The following PTPRM variants were observed in gnomAD, a reference collection of about 807,000 sequenced individuals.
PTPRM encodes protein tyrosine phosphatase receptor type M.
A neutral mutation model predicts 186.7 loss-of-function variants in PTPRM; 47 were observed. The observed-to-expected ratio is 0.25, with a 90% CI of 0.20 to 0.32. PTPRM has a LOEUF of 0.32. Among genes scored for constraint, PTPRM ranks in the 10% least tolerant of loss-of-function variants. PTPRM has a pLI of 1.00. For synonymous variants in PTPRM, 668 were observed against 674.9 expected (o/e 0.99, Z 0.16); for missense variants, 1,494 against 1,865.0 (o/e 0.80, Z 3.66).
intron 20 of PTPRM, among the ~76,000 whole-genome samples, chr18:8,313,396 G>A (rs966442137): frequency 2.0e-5 from 3 of 151,762 alleles, no homozygotes; most frequent in Admixed American, 2.0e-4. Flanking sequence ...AGTTATTTAG[G>A]TAAATACTTT....
At chr18:8,184,574 C>T (rs2093618458) in intron 14 of PTPRM, among the ~76,000 whole-genome samples, 1 of 152,172 alleles carries the variant, frequency 6.6e-6, no homozygotes, top group African/African-American at 2.4e-5. Flanking sequence ...ATGCTAAGAA[C>T]AAGTGACGAA....
At chr18:7,758,819 C>T (rs1319837306) in intron 1 of PTPRM, among the ~76,000 whole-genome samples, 1 of 152,148 alleles carries the variant, frequency 6.6e-6, no homozygotes, top group African/African-American at 2.4e-5. Context: ...GGTTTTTACT[C>T]ACTCCCAACC....
intron 19 of PTPRM, among the ~76,000 whole-genome samples, chr18:8,266,874 C>T (rs573562660): frequency 6.6e-6 from 1 of 152,222 alleles, no homozygotes; most frequent in East Asian, 1.9e-4. Context: ...TACCACTGCA[C>T]TCCAGCCTGG....
chr18:7,886,693 A>G (rs1285873970), intron 2 of PTPRM, among the ~76,000 whole-genome samples: 1 of 152,170 alleles, frequency 6.6e-6, no homozygotes, highest in Non-Finnish European at 1.5e-5. Flanking sequence ...AACCTAGATA[A>G]GCTGCTTCTA....
intron 19 of PTPRM, among the ~76,000 whole-genome samples, chr18:8,289,500 ATATG>A (rs1447970343): frequency 7.6e-6 from 1 of 131,012 alleles, no homozygotes; most frequent in African/African-American, 2.9e-5. Flanking sequence ...ATATATGTAT[ATATG>A]TGTGTGTATG....
rs1212848544 is a variant in PTPRM at position 7,888,086 on chromosome 18, C to G, written c.197-20C>G. ...AAGTAGTGTTTCAGGGTATGACTCT[C>G]CTTGATTTTGTTTTTGCAGGTTCTT... On this transcript the variant is annotated intron_variant, in intron 2 of 32. Coordinates refer to ENST00000580170, the MANE Select transcript of PTPRM (RefSeq NM_001105244.2). 2 of 1,614,042 alleles carry G rather than the reference C, an allele frequency of 1.2e-6. No homozygotes were observed. Among genetic ancestry groups the G allele is most frequent in the Non-Finnish European group, 1.7e-6 (2 of 1,179,946 alleles).
intron 2 of PTPRM, among the ~76,000 whole-genome samples, chr18:7,879,894 C>T (rs758202833): frequency 5.3e-5 from 8 of 152,108 alleles, no homozygotes; most frequent in African/African-American, 7.2e-5. Flanking sequence ...ACCTGAGGCT[C>T]GGTATTTAAA....
chr18:8,365,568 A>G (rs73939445), intron 23 of PTPRM, among the ~76,000 whole-genome samples: 2,119 of 152,332 alleles, frequency 0.014, 50 homozygotes, highest in African/African-American at 0.049. Flanking sequence ...AAAACCACCT[A>G]TTGTGTTGGG....
intron 3 of PTPRM, among the ~76,000 whole-genome samples, chr18:7,893,193 C>T (rs192113683): frequency 6.6e-6 from 1 of 151,692 alleles, no homozygotes. Flanking sequence ...TTTGCATAAA[C>T]AATAATAATG....
chr18:8,240,639 GAGAGAGAGAGAGAGAAAGAAAGAAAGAA>G (rs1568583617), intron 14 of PTPRM, among the ~76,000 whole-genome samples: 5 of 70,716 alleles, frequency 7.1e-5, no homozygotes, highest in African/African-American at 1.6e-4. Flanking sequence ...GAGAGAGAGA[GAGAGAGAGAGAGAGAAAGAAAGAAAGAA>G]AGAAAGAAAG....
At chr18:7,761,944 C>T (rs561149612) in intron 1 of PTPRM, among the ~76,000 whole-genome samples, 1 of 152,296 alleles carries the variant, frequency 6.6e-6, no homozygotes, top group African/African-American at 2.4e-5. Flanking sequence ...TTCTTCAGCG[C>T]TCCTTTCTAA....
Position 7,906,695 on chromosome 18 carries a change from C to G in PTPRM, c.547+112C>G, listed in dbSNP as rs2050003469. On this transcript the variant is annotated intron_variant, in intron 4 of 32. Transcript: ENST00000580170. ...AAGAGGTCATCTTGCCAAGACAGTT[C>G]CCTGACAGGCCTGTATTGTTGGTTT... The G allele has an allele frequency of 1.2e-5, 10 of 823,684 alleles. No homozygotes were observed. The South Asian group carries it at 1.2e-4, about 10-fold the overall frequency. 51.0% of individuals were successfully genotyped at this position (823,684 alleles called of 1,614,324 possible).
intron 29 of PTPRM, 134 bp from the exon 30 acceptor site, chr18:8,384,427 T>C: frequency 9.9e-7 from 1 of 1,015,190 alleles, no homozygotes; most frequent in South Asian, 1.6e-5. Context: ...CACTGCACTC[T>C]AGCTGGGGAG....
chr18:8,347,284 G>A (rs1466445973), intron 23 of PTPRM, among the ~76,000 whole-genome samples: 4 of 152,164 alleles, frequency 2.6e-5, no homozygotes, highest in Admixed American at 1.3e-4. Context: ...TAAAAATAAA[G>A]GCACATGTAT....
intron 1 of PTPRM, among the ~76,000 whole-genome samples, chr18:7,611,198 A>G (rs1300596316): frequency 6.6e-6 from 1 of 152,242 alleles, no homozygotes; most frequent in Non-Finnish European, 1.5e-5. Context: ...AGTTAAAAAA[A>G]ATTAAAAGTT....
chr18:8,013,113 G>A (rs1211739646), intron 7 of PTPRM, among the ~76,000 whole-genome samples: 1 of 152,124 alleles, frequency 6.6e-6, no homozygotes, highest in East Asian at 1.9e-4. Flanking sequence ...GGGACTTCAT[G>A]TTTATAAGGA....
intron 22 of PTPRM, among the ~76,000 whole-genome samples, chr18:8,331,089 G>A (rs2095409926): frequency 3.3e-5 from 1 of 30,230 alleles, no homozygotes; most frequent in Non-Finnish European, 1.0e-4. Flanking sequence ...TCTGTGTCAA[G>A]AATAATAGAA....
intron 13 of PTPRM, among the ~76,000 whole-genome samples, chr18:8,139,094 A>G (rs1485807708): frequency 6.6e-6 from 1 of 152,042 alleles, no homozygotes; most frequent in Admixed American, 6.6e-5. Context: ...TATCCATCCA[A>G]CTGCCTACTT....
intron 14 of PTPRM, among the ~76,000 whole-genome samples, chr18:8,179,911 A>T (rs1265571463): frequency 6.6e-6 from 1 of 152,242 alleles, no homozygotes; most frequent in Non-Finnish European, 1.5e-5. Context: ...TTTGAATTAG[A>T]CAACAGTCAT....
Sources: allele counts gnomAD v4.1 joint callset (sites outside exome capture counted in the v4.1 genomes callset), GRCh38; gene constraint gnomAD v4.1.1; transcripts MANE v1.5; gene names NCBI Gene and HGNC (gene_info 2026-07-23, HGNC 2026-07-21).